Variants in ROR1 observed in about 807,000 individuals in gnomAD.
The protein encoded by ROR1 is inactive tyrosine-protein kinase transmembrane receptor ROR1.
A neutral mutation model predicts 78.8 loss-of-function variants in ROR1; 19 were observed. The observed-to-expected ratio is 0.24, with a 90% CI of 0.17 to 0.35. The LOEUF is 0.35. Among genes scored for constraint, ROR1 ranks in the 10% least tolerant of loss-of-function variants. ROR1 has a pLI of 1.00. For missense variants in ROR1, 917 were observed against 1,177.8 expected (o/e 0.78, Z 3.24); for synonymous variants, 386 against 433.6 (o/e 0.89, Z 1.36).
At chr1:64,128,520 A>T (rs1184039505) in intron 4 of ROR1, among the ~76,000 whole-genome samples, 1 of 151,952 alleles carries the variant, frequency 6.6e-6, no homozygotes, top group African/African-American at 2.4e-5. Context: ...GTGGGGAAGT[A>T]GAGAGATTGA....
At chr1:63,933,858 T>C (rs992224466) in intron 1 of ROR1, among the ~76,000 whole-genome samples, 2 of 152,166 alleles carry the variant, frequency 1.3e-5, no homozygotes, top group African/African-American at 4.8e-5. Context: ...GGACTGAACA[T>C]ACAAGACCCA....
intron 7 of ROR1, among the ~76,000 whole-genome samples, chr1:64,155,206 G>A (rs566173606): frequency 6.6e-6 from 1 of 152,078 alleles, no homozygotes; most frequent in South Asian, 2.1e-4. Context: ...TTAAAATGAG[G>A]AATACAAATG....
chr1:64,069,410 A>G (rs1646983958), intron 4 of ROR1, among the ~76,000 whole-genome samples: 2 of 152,146 alleles, frequency 1.3e-5, no homozygotes, highest in Admixed American at 1.3e-4. Flanking sequence ...ACATGTTTGA[A>G]TCAATTTTCT....
At chr1:63,786,832 C>CG (rs965367859) in intron 1 of ROR1, among the ~76,000 whole-genome samples, 5 of 152,108 alleles carry the variant, frequency 3.3e-5, no homozygotes, top group Non-Finnish European at 2.9e-5. Context: ...AGAGGCGCAG[C>CG]TCCACCTGCC....
intron 4 of ROR1, among the ~76,000 whole-genome samples, chr1:64,051,246 T>C (rs1289796670): frequency 1.3e-5 from 2 of 151,852 alleles, no homozygotes; most frequent in Non-Finnish European, 2.9e-5. Flanking sequence ...GGTCAGGAGA[T>C]TGAGACCATC....
intron 8 of ROR1, among the ~76,000 whole-genome samples, chr1:64,164,568 T>C (rs987701566): frequency 6.6e-6 from 1 of 152,202 alleles, no homozygotes; most frequent in Non-Finnish European, 1.5e-5. Context: ...GAAATTACTA[T>C]TATTGTTATA....
chr1:64,056,676 C>CA (rs373734444), intron 4 of ROR1, among the ~76,000 whole-genome samples: 18,155 of 126,998 alleles, frequency 0.14, 1,173 homozygotes, highest in Admixed American at 0.18. Context: ...ACTCTATCTC[C>CA]AAAAAAAAAA....
At chr1:63,951,716 CT>C (rs903561562) in intron 1 of ROR1, among the ~76,000 whole-genome samples, 29 of 152,302 alleles carry the variant, frequency 1.9e-4, no homozygotes, top group African/African-American at 5.5e-4. Flanking sequence ...ACACCCCCCC[CT>C]CACCACCAGC....
intron 1 of ROR1, among the ~76,000 whole-genome samples, chr1:63,935,950 T>G (rs855948): frequency 0.94 from 143,842 of 152,326 alleles, 67,924 homozygotes; most frequent in East Asian, 1. Flanking sequence ...AAAAAGTCCT[T>G]CAAATTATGA....
At chr1:63,918,246 G>A (rs1201170982) in intron 1 of ROR1, among the ~76,000 whole-genome samples, 2 of 152,162 alleles carry the variant, frequency 1.3e-5, no homozygotes, top group Non-Finnish European at 2.9e-5. Flanking sequence ...TCAGAATAGT[G>A]GAAGGCTGAC....
intron 4 of ROR1, among the ~76,000 whole-genome samples, chr1:64,132,715 G>A (rs568832258): frequency 3.8e-4 from 52 of 135,482 alleles, no homozygotes; most frequent in Admixed American, 6.1e-4. Flanking sequence ...AGCTGAGATC[G>A]CGCCACTGCA....
intron 1 of ROR1, among the ~76,000 whole-genome samples, chr1:63,884,643 A>G (rs1387379350): frequency 6.6e-6 from 1 of 152,190 alleles, no homozygotes; most frequent in Non-Finnish European, 1.5e-5. Flanking sequence ...TTATTCAGAA[A>G]TTCAGCAAAT....
At chr1:64,078,531 G>A (rs1647071824) in intron 4 of ROR1, among the ~76,000 whole-genome samples, 2 of 152,142 alleles carry the variant, frequency 1.3e-5, no homozygotes, top group African/African-American at 2.4e-5. Flanking sequence ...GGATGGCCAC[G>A]TTTGTTGGTT....
intron 1 of ROR1, among the ~76,000 whole-genome samples, chr1:63,994,716 T>TC (rs1557599930): frequency 6.6e-6 from 1 of 152,028 alleles, no homozygotes. Context: ...CACAGCAAAT[T>TC]CCCCCAAATA....
intron 1 of ROR1, among the ~76,000 whole-genome samples, chr1:63,890,956 T>G (rs1645390876): frequency 6.6e-6 from 1 of 152,160 alleles, no homozygotes; most frequent in South Asian, 2.1e-4. Flanking sequence ...AGCTCAAAAC[T>G]TATTCTCAAT....
intron 4 of ROR1, among the ~76,000 whole-genome samples, chr1:64,092,980 C>T (rs1222416278): frequency 1.3e-5 from 2 of 152,188 alleles, no homozygotes; most frequent in African/African-American, 2.4e-5. Flanking sequence ...TCACAGTTAC[C>T]ACACAGGGCC....
chr1:64,030,200 G>A (rs559243166), intron 2 of ROR1, among the ~76,000 whole-genome samples: 53 of 152,252 alleles, frequency 3.5e-4, no homozygotes, highest in African/African-American at 1.2e-3. Flanking sequence ...GAATGATGGA[G>A]GCAATTGGGT....
chr1:64,040,074 A>G (rs1012584755), intron 2 of ROR1, among the ~76,000 whole-genome samples: 2 of 152,222 alleles, frequency 1.3e-5, no homozygotes, highest in African/African-American at 4.8e-5. Context: ...AAAAGCTTCA[A>G]GTGACTTCTT....
intron 1 of ROR1, among the ~76,000 whole-genome samples, chr1:63,899,077 A>C (rs1645464930): frequency 2.0e-5 from 3 of 151,930 alleles, no homozygotes; most frequent in Admixed American, 2.0e-4. Flanking sequence ...TCAAGCCTAC[A>C]GTTTCTCAGG....
Sources: gnomAD v4.1 joint callset for allele counts (sites outside exome capture counted in the v4.1 genomes callset) on GRCh38, gnomAD v4.1.1 for gene constraint, MANE v1.5 for transcripts, NCBI Gene and HGNC (gene_info 2026-07-23, HGNC 2026-07-21) for gene names.